ASAH1: variants seen among roughly 807,000 people sequenced by gnomAD.
ASAH1 encodes the protein acid ceramidase.
In ASAH1, 70 loss-of-function variants were observed where a neutral mutation model predicts 59.5. The ratio of observed to expected loss-of-function variants is 1.18; its 90% confidence interval spans 0.97 to 1.43. The LOEUF is 1.43. ASAH1 is among the 40% of genes most tolerant of loss of function. The pLI is 0.00. For synonymous variants in ASAH1, 213 were observed against 166.5 expected, an observed-to-expected ratio of 1.28 and a Z score of -2.15; for missense variants, 660 against 482.5, an observed-to-expected ratio of 1.37 and a Z score of -3.45.
intron 5 of ASAH1, 85 bp downstream of exon 5, chr8:18,067,135 T>TGTGCTGTATATCTAAGACATACAGCACAG: frequency 8.3e-7 from 1 of 1,209,928 alleles, no homozygotes; most frequent in Non-Finnish European, 1.2e-6. Flanking sequence ...ATACAGCACC[T>TGTGCTGTATATCTAAGACATACAGCACAG]GTGCTGTATG....
rs978912982 is a variant in ASAH1 at position 18,083,801 on chromosome 8, G to A, written c.78+180C>T. The A allele has an allele frequency of 4.4e-5, 57 of 1,288,318 alleles. No individual in the cohort carries two copies. The South Asian group carries it at 5.4e-4, about 12-fold the overall frequency. 79.8% of individuals were successfully genotyped at this position (1,288,318 alleles called of 1,614,324 possible). On this transcript the variant is annotated intron_variant, in intron 1 of 13. Coordinates refer to ENST00000637790, the MANE Select transcript of ASAH1 (RefSeq NM_177924.5). The stretch of plus-strand genomic sequence containing the variant: ...AGTTGCAGGTAGCACCGAATCTACC[G>A]AGGACGGGGTTCGCCAGCCCGCTCT...
Position 18,064,440 on chromosome 8 carries a change from C to A in ASAH1, c.457+17G>T, listed in dbSNP as rs776817767. Reference sequence around the variant, plus strand: ...GTAGTGCTTCATGCTGCCCACCCTCCCTCAGCGCACAATTACCTTTTTTGT... The same window carrying A: ...GTAGTGCTTCATGCTGCCCACCCTCACTCAGCGCACAATTACCTTTTTTGT... On this transcript the variant is annotated intron_variant, in intron 6 of 13. Transcript: ENST00000637790. The A allele has an allele frequency of 1.3e-6, 2 of 1,543,244 alleles. No homozygotes were observed. Among genetic ancestry groups the A allele is most frequent in the East Asian group, 4.5e-5 (2 of 44,156 alleles).
chr8:18,059,293 A>G, intron 12 of ASAH1, 48 bp downstream of exon 12: 3 of 1,613,610 alleles, frequency 1.9e-6, no homozygotes, highest in Non-Finnish European at 2.5e-6. Flanking sequence ...AACCAAGGGA[A>G]TCTTTAATGG....
intron 4 of ASAH1, among the ~76,000 whole-genome samples, chr8:18,068,919 G>C (rs532264703): frequency 6.6e-6 from 1 of 152,092 alleles, no homozygotes; most frequent in Non-Finnish European, 1.5e-5. Context: ...CGGGAAGATC[G>C]CCTGAGCCCA....
intron 12 of ASAH1, 167 bp downstream of exon 12, chr8:18,059,174 T>G (rs1444797332): frequency 2.1e-5 from 22 of 1,039,882 alleles, no homozygotes; most frequent in Non-Finnish European, 3.1e-5. Context: ...AGCACAATTT[T>G]GCTCTTTAAG....
intron 6 of ASAH1, chr8:18,064,012 T>A: frequency 4.2e-6 from 1 of 236,712 alleles, no homozygotes; most frequent in Non-Finnish European, 8.2e-6. Flanking sequence ...TGGGAACCAG[T>A]CAGGAAAAAT....
rs1177139631 is a variant in ASAH1, at chr8:18,058,871, C to A, written c.1062G>T (p.Met354Ile). The A allele has an allele frequency of 6.2e-7, 1 of 1,612,482 alleles. No individual in the cohort carries two copies. The highest frequency in any genetic ancestry group is 1.3e-5 in the African/African-American group (1 of 74,884). ...CAGGTTTTGTTGACAGGACATCATA[C>A]ATGGTTTCAAATGAGATATTCTAAA... The part of the protein sequence containing the change: ...TSQENISFET[M>I]YDVLSTKPVL... The change falls in exon 13 of 14, where the codon ATG (methionine) becomes ATT (isoleucine). Residue 354 changes from methionine (M) to isoleucine (I), a missense_variant. Coordinates refer to ENST00000637790, the MANE Select transcript of ASAH1 (RefSeq NM_177924.5).
chr8:18,084,082 C>G lies in ASAH1; in HGVS notation c.-24G>C. On this transcript the variant is annotated 5_prime_UTR_variant, in exon 1 of 14. Transcript: ENST00000637790. ...ATCGCTCTAGCAGCCAACGCCACTC[C>G]CCGGACTCCAGCAGAGGCAAAGAAG... 1 of 1,598,046 alleles carries G rather than the reference C, an allele frequency of 6.3e-7. No homozygotes were observed.
chr8:18,080,398 T>A (rs1033472488), intron 1 of ASAH1, among the ~76,000 whole-genome samples: 1 of 152,154 alleles, frequency 6.6e-6, no homozygotes, highest in Non-Finnish European at 1.5e-5. Flanking sequence ...ACACTTAGCC[T>A]ACCGCAAGCT....
chr8:18,059,899 T>G, intron 10 of ASAH1, 196 bp from the exon 11 acceptor site: 1 of 531,186 alleles, frequency 1.9e-6, no homozygotes, highest in Non-Finnish European at 3.3e-6. Context: ...CTACATGCAT[T>G]AGGTATTTGT....
At chr8:18,077,909 G>T (rs1800478114) in intron 1 of ASAH1, among the ~76,000 whole-genome samples, 1 of 152,104 alleles carries the variant, frequency 6.6e-6, no homozygotes, top group African/African-American at 2.4e-5. Context: ...GGAATACTGT[G>T]ATGGGTACTT....
Position 18,076,452 on chromosome 8 carries a change from G to A in ASAH1, c.79-865C>T, listed in dbSNP as rs375566069. On this transcript the variant is annotated intron_variant, in intron 1 of 13. Transcript: ENST00000637790. ...TGAACAGACTCTTTTAGGGGAAGTTGTCCAAGCTTAGTGGCAAAATGGAAC... is the reference window on the plus strand; with the variant it reads ...TGAACAGACTCTTTTAGGGGAAGTTATCCAAGCTTAGTGGCAAAATGGAAC... The A allele has an allele frequency of 2.6e-5, 4 of 152,192 alleles. 1 individual carries two copies. Among genetic ancestry groups the A allele is most frequent in the Non-Finnish European group, 5.9e-5 (4 of 68,040 alleles). 9.4% of individuals were successfully genotyped at this position (152,192 alleles called of 1,614,324 possible).
intron 2 of ASAH1, among the ~76,000 whole-genome samples, chr8:18,071,660 C>T (rs1404471878): frequency 6.6e-6 from 1 of 151,960 alleles, no homozygotes; most frequent in East Asian, 1.9e-4. Flanking sequence ...TCAACTATGG[C>T]TTAAGAGCTC....
chr8:18,057,165 C>T lies in ASAH1; in HGVS notation c.*369G>A, dbSNP rs574506811. ...GAAGAATGTGGAGTGTTTACTGTCC[C>T]GTTACTCACACAGACGTGCTGGATT... On this transcript the variant is annotated 3_prime_UTR_variant, in exon 14 of 14. Transcript: ENST00000637790. 2.6e-4 allele frequency: 62 copies of T among 238,950 alleles called. No homozygotes were observed. Among genetic ancestry groups the T allele is most frequent in the African/African-American group, 1.1e-3 (48 of 44,680 alleles). 14.8% of individuals were successfully genotyped at this position (238,950 alleles called of 1,614,324 possible). A position where few individuals can be genotyped will look rare whatever the true frequency, so the allele number is the denominator to read the frequency against.
chr8:18,060,012 T>C (rs1181497159), intron 10 of ASAH1: 2 of 324,908 alleles, frequency 6.2e-6, no homozygotes, highest in Non-Finnish European at 5.9e-6. Context: ...CTCTCACTTA[T>C]GAGTGAGAAC....
intron 1 of ASAH1, chr8:18,076,332 T>C (rs1434393689): frequency 6.5e-6 from 1 of 152,764 alleles, no homozygotes; most frequent in South Asian, 2.1e-4. Flanking sequence ...CACTGCTTTA[T>C]AATCATCTGT....
At chr8:18,064,655 T>G (rs1799857207) in intron 5 of ASAH1, 124 bp from the exon 6 acceptor site, 1 of 660,130 alleles carries the variant, frequency 1.5e-6, no homozygotes, top group South Asian at 1.8e-5. Context: ...GGGGCTGTGC[T>G]GGAACGGCCG....
At chr8:18,065,943 G>C (rs1049469812) in intron 5 of ASAH1, 1 of 150,966 alleles carries the variant, frequency 6.6e-6, no homozygotes, top group Non-Finnish European at 1.5e-5. Context: ...TTATATCAAA[G>C]ACACCACTGC....
chr8:18,079,688 G>C (rs1486609394), intron 1 of ASAH1, among the ~76,000 whole-genome samples: 3 of 152,136 alleles, frequency 2.0e-5, no homozygotes, highest in Non-Finnish European at 4.4e-5. Flanking sequence ...CCTCATGTCA[G>C]TTTTCATACC....
Sources: gnomAD v4.1 joint callset for allele counts (sites outside exome capture counted in the v4.1 genomes callset) on GRCh38, gnomAD v4.1.1 for gene constraint, MANE v1.5 for transcripts, NCBI Gene and HGNC (gene_info 2026-07-23, HGNC 2026-07-21) for gene names.